The following SYDE2 variants were observed in gnomAD, a reference collection of about 807,000 sequenced individuals.
The protein encoded by SYDE2 is synapse defective Rho GTPase homolog 2.
In SYDE2, 76 loss-of-function variants were observed where a neutral mutation model predicts 91.5. That is an observed-to-expected ratio of 0.83 (90% CI 0.69 to 1.01). The LOEUF is 1.01. SYDE2 is among the 50% of genes least tolerant of loss of function. The pLI, the probability that SYDE2 is intolerant of heterozygous loss-of-function variation, is 0.00. For synonymous variants in SYDE2, 513 were observed against 506.4 expected (o/e 1.01, Z -0.18); for missense variants, 1,364 against 1,367.7 (o/e 1.00, Z 0.04).
chr1:85,183,009 CGCTTAGCTTTCGG>C lies in SYDE2; in HGVS notation c.1620_1632del (p.Ser540ArgfsTer6). 1 of 1,613,082 alleles carries C rather than the reference CGCTTAGCTTTCGG, an allele frequency of 6.2e-7. No individual in the cohort carries two copies. The highest frequency in any genetic ancestry group is 1.1e-5 in the South Asian group (1 of 90,830). On this transcript the variant is annotated frameshift_variant, in exon 3 of 7. Coordinates refer to ENST00000341460, the MANE Select transcript of SYDE2 (RefSeq NM_032184.2). LOFTEE classifies it high-confidence loss of function. Reference sequence around the variant, plus strand: ...TTTATATAATTCAATGTTCCCTTAACGCTTAGCTTTCGGCTAAATTCTGGCAACTTTTTCATTT... The same window carrying C: ...TTTATATAATTCAATGTTCCCTTAACCTAAATTCTGGCAACTTTTTCATTT...
chr1:85,179,697 T>C (rs977530217), intron 3 of SYDE2, among the ~76,000 whole-genome samples: 2 of 151,948 alleles, frequency 1.3e-5, no homozygotes, highest in African/African-American at 2.4e-5. Flanking sequence ...GTTCAGAAAA[T>C]GAAACTAAAA....
chr1:85,187,652 G>C (rs535409886), intron 2 of SYDE2, among the ~76,000 whole-genome samples: 3,124 of 151,262 alleles, frequency 0.021, 78 homozygotes, highest in African/African-American at 0.072. Context: ...TTAAGAAAAT[G>C]TGGCACATAT....
intron 4 of SYDE2, among the ~76,000 whole-genome samples, chr1:85,172,705 G>C (rs1049731422): frequency 4.6e-5 from 7 of 152,180 alleles, no homozygotes; most frequent in Non-Finnish European, 1.0e-4. Context: ...GCAGGTCGCA[G>C]TAAGGAAATG....
chr1:85,186,601 C>G (rs1367617241), intron 2 of SYDE2, among the ~76,000 whole-genome samples: 5 of 151,976 alleles, frequency 3.3e-5, no homozygotes, highest in Non-Finnish European at 7.4e-5. Flanking sequence ...ATCACGCTAC[C>G]TGACTTCAAA....
chr1:85,167,353 T>A (rs566761568), intron 5 of SYDE2, among the ~76,000 whole-genome samples: 1 of 152,174 alleles, frequency 6.6e-6, no homozygotes, highest in Admixed American at 6.5e-5. Context: ...TAAAAATAAA[T>A]CTGTGTACAA....
intron 1 of SYDE2, among the ~76,000 whole-genome samples, chr1:85,191,507 C>G (rs1373314443): frequency 1.3e-5 from 2 of 152,120 alleles, no homozygotes; most frequent in Non-Finnish European, 2.9e-5. Context: ...TGCCTGTAAT[C>G]CCAGCACTTT....
intron 1 of SYDE2, among the ~76,000 whole-genome samples, chr1:85,196,954 C>T (rs1201495530): frequency 6.6e-6 from 1 of 152,050 alleles, no homozygotes; most frequent in Non-Finnish European, 1.5e-5. Flanking sequence ...AAAGTTTTTT[C>T]TTTCCCAGAC....
intron 4 of SYDE2, among the ~76,000 whole-genome samples, chr1:85,173,489 C>CTA (rs138663049): frequency 0.047 from 7,180 of 152,132 alleles, 259 homozygotes; most frequent in East Asian, 0.17. Context: ...CCATAGAAAG[C>CTA]TAATATAAGT....
intron 1 of SYDE2, among the ~76,000 whole-genome samples, chr1:85,192,737 G>C (rs1658420265): frequency 1.3e-5 from 2 of 152,108 alleles, no homozygotes; most frequent in Admixed American, 6.6e-5. Context: ...GCCTCAAAGA[G>C]TTTGAGAAAT....
At chr1:85,155,073 TAGG>T (rs1205140007), downstream of SYDE2, among the ~76,000 whole-genome samples, 5 of 82,268 alleles carry the variant, frequency 6.1e-5, no homozygotes, top group Admixed American at 4.4e-4. Context: ...AAAAAAAAAA[TAGG>T]AGTACAAAGA....
rs747791806 is a variant in SYDE2 at position 85,164,517 on chromosome 1, A to T, written c.3085+9T>A. On this transcript the variant is annotated intron_variant, in intron 6 of 6. Transcript: ENST00000341460. Reference sequence around the variant, plus strand: ...TGAAAGTGAAAAACATTTCCATAGAATCATTTACCTGGCCAGAGTTGGAGT... The same window carrying T: ...TGAAAGTGAAAAACATTTCCATAGATTCATTTACCTGGCCAGAGTTGGAGT... The T allele has an allele frequency of 1.2e-5, 18 of 1,543,284 alleles. No homozygotes were observed. The highest frequency in any genetic ancestry group is 2.0e-5 in the Admixed American group (1 of 49,950).
At chr1:85,198,317 G>A (rs1658674482) in intron 1 of SYDE2, among the ~76,000 whole-genome samples, 1 of 152,070 alleles carries the variant, frequency 6.6e-6, no homozygotes, top group Non-Finnish European at 1.5e-5. Flanking sequence ...AAAATTGTAT[G>A]AGAACCACCT....
chr1:85,176,035 A>G (rs779026790), intron 4 of SYDE2, among the ~76,000 whole-genome samples: 1 of 152,170 alleles, frequency 6.6e-6, no homozygotes, highest in Non-Finnish European at 1.5e-5. Flanking sequence ...TATGCTGCCA[A>G]TTTCCAAAAC....
intron 2 of SYDE2, among the ~76,000 whole-genome samples, chr1:85,184,672 T>C (rs755539425): frequency 6.6e-6 from 1 of 152,056 alleles, no homozygotes; most frequent in African/African-American, 2.4e-5. Flanking sequence ...AAGACCAGCC[T>C]GGACAACATG....
chr1:85,193,435 T>G (rs576090261), intron 1 of SYDE2, among the ~76,000 whole-genome samples: 3 of 152,348 alleles, frequency 2.0e-5, no homozygotes, highest in South Asian at 2.1e-4. Flanking sequence ...CAAATTTTTA[T>G]ATAGCTAGAC....
chr1:85,190,023 G>A (rs756193422), intron 2 of SYDE2, 34 bp downstream of exon 2: 4 of 1,463,706 alleles, frequency 2.7e-6, no homozygotes, highest in East Asian at 4.6e-5. Context: ...AAAAATGGAA[G>A]AAGAAAGAAA....
At chr1:85,199,892 A>C (rs1030818062) in intron 1 of SYDE2, among the ~76,000 whole-genome samples, 1 of 152,190 alleles carries the variant, frequency 6.6e-6, no homozygotes, top group African/African-American at 2.4e-5. Context: ...CTAGAGCTAC[A>C]AAGAATAAAA....
intron 3 of SYDE2, among the ~76,000 whole-genome samples, chr1:85,178,607 C>A (rs377322194): frequency 6.6e-6 from 1 of 152,104 alleles, no homozygotes; most frequent in Admixed American, 6.6e-5. Context: ...TTGTTCTAGA[C>A]TGAAGTAGTA....
At chr1:85,154,476 G>A (rs1018173383), downstream of SYDE2, among the ~76,000 whole-genome samples, 2 of 62,406 alleles carry the variant, frequency 3.2e-5, no homozygotes, top group African/African-American at 1.2e-4. Context: ...GTAACTCTAT[G>A]AGCACCATCA....
Sources: gnomAD v4.1 joint callset for allele counts (sites outside exome capture counted in the v4.1 genomes callset) on GRCh38, gnomAD v4.1.1 for gene constraint, MANE v1.5 for transcripts, NCBI Gene and HGNC (gene_info 2026-07-23, HGNC 2026-07-21) for gene names.